The following WDFY4 variants were observed in gnomAD, a reference collection of about 807,000 sequenced individuals.
WDFY4 encodes WDFY family member 4, also known as WD repeat- and FYVE domain-containing protein 4.
Under a neutral mutation model 351.9 loss-of-function variants are expected in WDFY4, and 169 were observed. That is an observed-to-expected ratio of 0.48 (90% confidence interval 0.42 to 0.55). The LOEUF (loss-of-function observed/expected upper bound fraction) is 0.55, where lower values mean the gene tolerates loss of function less well. Ranked by LOEUF, WDFY4 falls within the 20% of genes least tolerant of loss-of-function variation. The pLI is 0.00. For missense variants in WDFY4, 3,803 were observed against 3,935.6 expected (o/e 0.97, Z 0.90); for synonymous variants, 1,622 against 1,574.6 (o/e 1.03, Z -0.71).
At chr10:48,887,778 CAAAA>C (rs11352403) in intron 43 of WDFY4, among the ~76,000 whole-genome samples, 3 of 137,192 alleles carry the variant, frequency 2.2e-5, no homozygotes, top group Non-Finnish European at 3.2e-5. Context: ...GACTCCATCT[CAAAA>C]AAAAAAAAAA....
At chr10:48,921,771 G>T (rs1374903455) in intron 47 of WDFY4, among the ~76,000 whole-genome samples, 2 of 151,992 alleles carry the variant, frequency 1.3e-5, no homozygotes, top group Admixed American at 6.6e-5. Context: ...AATATTTAAA[G>T]ATACATTTCA....
chr10:48,759,051 A>C (rs2065420208), intron 12 of WDFY4, among the ~76,000 whole-genome samples: 1 of 152,000 alleles, frequency 6.6e-6, no homozygotes, highest in Admixed American at 6.6e-5. Flanking sequence ...ATATATATAT[A>C]TCTTAAGGTA....
chr10:48,917,115 C>T (rs1003397581), intron 47 of WDFY4, among the ~76,000 whole-genome samples: 1 of 152,168 alleles, frequency 6.6e-6, no homozygotes, highest in Non-Finnish European at 1.5e-5. Context: ...TAGACTAGAT[C>T]ATGTAGTCTA....
intron 35 of WDFY4, among the ~76,000 whole-genome samples, chr10:48,826,434 T>A (rs191379304): frequency 6.6e-6 from 1 of 152,208 alleles, no homozygotes; most frequent in Non-Finnish European, 1.5e-5. Flanking sequence ...TTGCTTTGGA[T>A]TGTCTTGGCT....
intron 48 of WDFY4, among the ~76,000 whole-genome samples, chr10:48,942,381 T>TGC (rs1432119422): frequency 6.6e-6 from 1 of 151,622 alleles, no homozygotes. Flanking sequence ...CGTGTGTGCG[T>TGC]GTGTGTGTGT....
chr10:48,775,935 G>A, intron 15 of WDFY4, 129 bp downstream of exon 15: 2 of 818,324 alleles, frequency 2.4e-6, no homozygotes, highest in South Asian at 1.7e-5. Context: ...GCTGCTCAAT[G>A]CAGCAACTGA....
intron 43 of WDFY4, among the ~76,000 whole-genome samples, chr10:48,886,457 A>T (rs1051868653): frequency 1.1e-4 from 16 of 152,204 alleles, no homozygotes; most frequent in Non-Finnish European, 1.9e-4. Flanking sequence ...CATGACCCTC[A>T]TGAATAGATT....
chr10:48,707,631 T>G (rs2063666007), intron 1 of WDFY4, among the ~76,000 whole-genome samples: 1 of 152,196 alleles, frequency 6.6e-6, no homozygotes, highest in Non-Finnish European at 1.5e-5. Context: ...TGGTGGAGTC[T>G]GAAGACATAA....
At chr10:48,800,127 G>A (rs774117679) in intron 24 of WDFY4, among the ~76,000 whole-genome samples, 8 of 152,224 alleles carry the variant, frequency 5.3e-5, no homozygotes, top group South Asian at 2.1e-4. Flanking sequence ...CTCATGATCC[G>A]CCCACCTTGG....
In WDFY4 at chr10:48,692,252, A is replaced by T. The variant is rs1045257184; in HGVS notation, c.-18+7251A>T. On this transcript the variant is annotated intron_variant, in intron 1 of 61. Coordinates refer to ENST00000325239, the MANE Select transcript of WDFY4 (RefSeq NM_001394531.1). ...GCACTGCCCTGCTGTCAGATCACAGATTCTTGTATTTCCTTTTAGCCTCAC... is the reference window on the plus strand; with the variant it reads ...GCACTGCCCTGCTGTCAGATCACAGTTTCTTGTATTTCCTTTTAGCCTCAC... Among the ~76,000 whole-genome samples the T allele has an allele frequency of 6.6e-5, 10 of 152,224 alleles. No individual in the cohort carries two copies. The East Asian group carries it at 1.9e-3, about 29-fold the overall frequency.
intron 23 of WDFY4, among the ~76,000 whole-genome samples, chr10:48,795,501 A>ATG (rs1206968791): frequency 1.9e-5 from 2 of 105,206 alleles, no homozygotes; most frequent in Admixed American, 9.2e-5. Context: ...GTATATATAT[A>ATG]TATATATATA....
At chr10:48,948,020 C>G (rs570698921) in intron 51 of WDFY4, among the ~76,000 whole-genome samples, 13 of 152,162 alleles carry the variant, frequency 8.5e-5, no homozygotes, top group Non-Finnish European at 1.9e-4. Context: ...TCTTTATGGT[C>G]ACTCAGAGGA....
In WDFY4 at chr10:48,760,963, A is replaced by G. The variant is rs536542384; in HGVS notation, c.2553+523A>G. 7.2e-5 allele frequency among the ~76,000 whole-genome samples: 11 copies of G among 152,362 alleles called. No individual in the cohort carries two copies. The South Asian group carries it at 8.3e-4, about 11-fold the overall frequency. On this transcript the variant is annotated intron_variant, in intron 13 of 61. Transcript: ENST00000325239. ...ACTAAATAAATGAGCTCACAAGTGA[A>G]TATGAAATTATGAATTGTGACGAGT...
In WDFY4 at chr10:48,718,813, A is replaced by C. The variant is rs1340825243; in HGVS notation, c.235-1198A>C. ...GACTTGGATGAAAAGCGGACTTACG[A>C]ACAGGGCTGCTACAGAAATAGGGAG... On this transcript the variant is annotated intron_variant, in intron 2 of 61. Transcript: ENST00000325239. Among the ~76,000 whole-genome samples, 4 of 152,250 alleles carry C rather than the reference A, an allele frequency of 2.6e-5. No homozygotes were observed. The East Asian group carries it at 7.7e-4, about 29-fold the overall frequency.
In WDFY4 at chr10:48,958,046, GC is replaced by G. The variant is rs755257823; in HGVS notation, c.8131+771del. 5.3e-5 allele frequency among the ~76,000 whole-genome samples: 8 copies of G among 152,136 alleles called. No homozygotes were observed. In the East Asian group the frequency reaches 5.8e-4, roughly 11 times the overall value. On this transcript the variant is annotated intron_variant, in intron 52 of 61. Coordinates refer to ENST00000325239, the MANE Select transcript of WDFY4 (RefSeq NM_001394531.1). ...ACCAATGCATACCTCGGGCTCTAGA[GC>G]CCCCCCTCGTCAGTGTTCTCCTTCT...
intron 48 of WDFY4, 123 bp downstream of exon 48, chr10:48,941,971 A>G: frequency 1.0e-6 from 1 of 980,340 alleles, no homozygotes; most frequent in South Asian, 1.7e-5. Context: ...TATTATTATT[A>G]TTATTTCTTT....
intron 51 of WDFY4, among the ~76,000 whole-genome samples, chr10:48,949,855 G>A (rs1314579208): frequency 1.3e-5 from 2 of 152,132 alleles, no homozygotes; most frequent in Admixed American, 6.5e-5. Flanking sequence ...TGCTCAGATC[G>A]CTTTCTTTCT....
At chr10:48,970,094 T>C in intron 56 of WDFY4, 37 bp from the exon 57 acceptor site, 1 of 1,546,960 alleles carries the variant, frequency 6.5e-7, no homozygotes, top group Non-Finnish European at 8.7e-7. Context: ...GTCCCTGCTG[T>C]CTCCACAGCA....
At chr10:48,789,809 G>T in intron 21 of WDFY4, 65 bp from the exon 22 acceptor site, 3 of 1,489,090 alleles carry the variant, frequency 2.0e-6, no homozygotes, top group Non-Finnish European at 2.8e-6. Flanking sequence ...CCCTCCAGGA[G>T]CTCGTGGACA....
Sources: allele counts gnomAD v4.1 joint callset (sites outside exome capture counted in the v4.1 genomes callset), GRCh38; gene constraint gnomAD v4.1.1; transcripts MANE v1.5; gene names NCBI Gene and HGNC (gene_info 2026-07-23, HGNC 2026-07-21).